ZCCHC4: variants seen among roughly 807,000 people sequenced by gnomAD.
ZCCHC4 encodes the protein zinc finger CCHC-type containing 4, also known as rRNA N(6)-adenosine-methyltransferase ZCCHC4.
Under a neutral mutation model 67.7 loss-of-function variants are expected in ZCCHC4, and 54 were observed. That is an observed-to-expected ratio of 0.80 (90% CI 0.64 to 1.00). The LOEUF (loss-of-function observed/expected upper bound fraction) is 1.00, where lower values mean the gene tolerates loss of function less well. Among genes scored for constraint, ZCCHC4 ranks in the 50% least tolerant of loss-of-function variants. The pLI is 0.00. For missense variants in ZCCHC4, 609 were observed against 617.0 expected, an observed-to-expected ratio of 0.99 and a Z score of 0.14; for synonymous variants, 198 against 213.5, an observed-to-expected ratio of 0.93 and a Z score of 0.63.
chr4:25,351,663 C>G lies in ZCCHC4; in HGVS notation c.985C>G (p.Pro329Ala). The G allele has an allele frequency of 6.2e-7, 1 of 1,611,904 alleles. No homozygotes were observed. Among genetic ancestry groups the G allele is most frequent in the South Asian group, 1.1e-5 (1 of 90,846 alleles). Reference sequence around the variant, plus strand: ...TGAATCCCGAATTTGTCAGTTTTTTCCAAGCTTCCAGATGCTGGATTACCA... The same window carrying G: ...TGAATCCCGAATTTGTCAGTTTTTTGCAAGCTTCCAGATGCTGGATTACCA... Reference protein sequence around the residue: ...FFESRICQFFPSFQMLDYQVD... With the variant: ...FFESRICQFFASFQMLDYQVD... The change falls in exon 8 of 13, where the codon CCA (proline) becomes GCA (alanine). Residue 329 changes from proline to alanine, a missense_variant. Physicochemically the swap from Pro to Ala is conservative, Grantham distance 27. Transcript: ENST00000302874.
intron 8 of ZCCHC4, among the ~76,000 whole-genome samples, chr4:25,353,948 A>G (rs1720411204): frequency 6.6e-6 from 1 of 152,168 alleles, no homozygotes; most frequent in Non-Finnish European, 1.5e-5. Context: ...TAAATCTGAG[A>G]GATTAAAATT....
rs548798475 is a variant in ZCCHC4 at position 25,354,676 on chromosome 4, T to A, written c.1011+2987T>A. Among the ~76,000 whole-genome samples, 13 of 152,226 alleles carry A rather than the reference T, an allele frequency of 8.5e-5. No homozygotes were observed. In the East Asian group the frequency reaches 9.6e-4, roughly 11 times the overall value. On this transcript the variant is annotated intron_variant, in intron 8 of 12. Coordinates refer to ENST00000302874, the MANE Select transcript of ZCCHC4 (RefSeq NM_024936.3). ...TTTAACTTCATTAAAATTTTTTTTTTAAATAGTGATGGGATCTCTCTGTGT... is the reference window on the plus strand; with the variant it reads ...TTTAACTTCATTAAAATTTTTTTTTAAAATAGTGATGGGATCTCTCTGTGT...
At chr4:25,367,921 A>G (rs1721012073) in intron 12 of ZCCHC4, among the ~76,000 whole-genome samples, 1 of 152,294 alleles carries the variant, frequency 6.6e-6, no homozygotes, top group South Asian at 2.1e-4. Flanking sequence ...CAAGTTCCTC[A>G]TGGGGTGTTC....
chr4:25,354,487 A>T (rs767523893), intron 8 of ZCCHC4, among the ~76,000 whole-genome samples: 1 of 152,214 alleles, frequency 6.6e-6, no homozygotes, highest in African/African-American at 2.4e-5. Flanking sequence ...GAAGAACAGT[A>T]CTGTCCATTA....
chr4:25,326,109 G>C (rs1718871721), intron 3 of ZCCHC4, among the ~76,000 whole-genome samples: 1 of 152,306 alleles, frequency 6.6e-6, no homozygotes, highest in African/African-American at 2.4e-5. Context: ...ACTAAAGCAG[G>C]TTAAAGTTAA....
At chr4:25,313,029 C>A in intron 1 of ZCCHC4, 93 bp downstream of exon 1, 1 of 1,522,960 alleles carries the variant, frequency 6.6e-7, no homozygotes. Context: ...TTTTTACCCG[C>A]CTCTTTCCCT....
At chr4:25,344,423 G>A (rs556336255) in intron 5 of ZCCHC4, among the ~76,000 whole-genome samples, 5 of 142,324 alleles carry the variant, frequency 3.5e-5, no homozygotes, top group African/African-American at 1.3e-4. Flanking sequence ...GAGAACACAT[G>A]GACACAGGAA....
chr4:25,351,755 A>T lies in ZCCHC4; in HGVS notation c.1011+66A>T, dbSNP rs1247542994. 4 of 1,314,686 alleles carry T rather than the reference A, an allele frequency of 3.0e-6. No homozygotes were observed. In the African/African-American group the frequency reaches 4.4e-5, roughly 15 times the overall value. 81.4% of individuals were successfully genotyped at this position (1,314,686 alleles called of 1,614,324 possible). A position where few individuals can be genotyped will look rare whatever the true frequency, so the allele number is the denominator to read the frequency against. On this transcript the variant is annotated intron_variant, in intron 8 of 12. Transcript: ENST00000302874. ...GAGATTCTACTTGAATAGATATAAG[A>T]CTATTCATTGATTTTAGTAAAATAC... is the stretch of plus-strand genomic sequence containing the variant.
chr4:25,344,785 CA>C (rs201248158), intron 5 of ZCCHC4, among the ~76,000 whole-genome samples: 85 of 135,222 alleles, frequency 6.3e-4, no homozygotes, highest in African/African-American at 1.1e-3. Flanking sequence ...CTGCGTTAGA[CA>C]AAAAAAAAAA....
At chr4:25,328,465 C>G (rs1439286969) in intron 3 of ZCCHC4, among the ~76,000 whole-genome samples, 2 of 152,320 alleles carry the variant, frequency 1.3e-5, no homozygotes, top group African/African-American at 4.8e-5. Flanking sequence ...GTCTCGAACT[C>G]CTGACCTCAA....
rs929851635 is a variant in ZCCHC4 at position 25,369,460 on chromosome 4, G to A, written c.*296G>A. ...ATGTTTTCATTTTTTTTGAGATGGA[G>A]TCTTGCTCTGTCTCCCAGGCTAGAG... On this transcript the variant is annotated 3_prime_UTR_variant, in exon 13 of 13. Coordinates refer to ENST00000302874, the MANE Select transcript of ZCCHC4 (RefSeq NM_024936.3). 1 of 297,772 alleles carries A rather than the reference G, an allele frequency of 3.4e-6. No individual in the cohort carries two copies. Among genetic ancestry groups the A allele is most frequent in the Non-Finnish European group, 6.2e-6 (1 of 160,664 alleles). The allele number at this position is 297,772 out of a possible 1,614,324, so 18.4% of individuals were successfully genotyped here. A position where few individuals can be genotyped will look rare whatever the true frequency, so the allele number is the denominator to read the frequency against.
intron 4 of ZCCHC4, 39 bp downstream of exon 4, chr4:25,333,497 A>T (rs377004168): frequency 1.9e-6 from 3 of 1,596,600 alleles, no homozygotes; most frequent in Non-Finnish European, 2.6e-6. Context: ...TCTTCTCACC[A>T]CTATTGAAAC....
chr4:25,339,863 T>C (rs1719640208), intron 5 of ZCCHC4, among the ~76,000 whole-genome samples: 3 of 151,906 alleles, frequency 2.0e-5, no homozygotes, highest in African/African-American at 4.8e-5. Context: ...AGGTCTTTAA[T>C]CTATTTTGAG....
intron 3 of ZCCHC4, among the ~76,000 whole-genome samples, chr4:25,319,926 T>A (rs1408325518): frequency 6.6e-6 from 1 of 152,134 alleles, no homozygotes; most frequent in Admixed American, 6.6e-5. Flanking sequence ...TAAAGCAAAT[T>A]TTTCATGTTT....
At position 25,345,281 on chromosome 4, in the gene ZCCHC4, A is replaced by G. The variant is rs533829791; in HGVS notation, c.687-267A>G. Among the ~76,000 whole-genome samples, 5 of 152,328 alleles carry G rather than the reference A, an allele frequency of 3.3e-5. No individual in the cohort carries two copies. The East Asian group carries it at 9.6e-4, about 29-fold the overall frequency. ...CTGTCAGTAACCTGATTGTTTATGT[A>G]TAACCTCCTGGTACATAGGAACATG... On this transcript the variant is annotated intron_variant, in intron 5 of 12. Coordinates refer to ENST00000302874, the MANE Select transcript of ZCCHC4 (RefSeq NM_024936.3).
intron 8 of ZCCHC4, among the ~76,000 whole-genome samples, chr4:25,352,742 A>G (rs1372216816): frequency 2.0e-5 from 3 of 152,122 alleles, no homozygotes; most frequent in Admixed American, 6.6e-5. Flanking sequence ...AGAGTTTTCT[A>G]TTTGAGTTTT....
chr4:25,337,272 A>G (rs1312307771), intron 5 of ZCCHC4, among the ~76,000 whole-genome samples: 1 of 152,210 alleles, frequency 6.6e-6, no homozygotes, highest in Non-Finnish European at 1.5e-5. Context: ...AGCAGGCTTT[A>G]GTCTAGTTGA....
At chr4:25,325,255 AAAAAAAAAG>A (rs1474411008) in intron 3 of ZCCHC4, among the ~76,000 whole-genome samples, 1 of 150,576 alleles carries the variant, frequency 6.6e-6, no homozygotes, top group African/African-American at 2.4e-5. Context: ...AAAAAAAAAA[AAAAAAAAAG>A]AAATATTTTC....
intron 3 of ZCCHC4, among the ~76,000 whole-genome samples, chr4:25,323,844 T>A (rs28550195): frequency 0.52 from 79,248 of 151,766 alleles, 21,939 homozygotes; most frequent in Non-Finnish European, 0.61. Flanking sequence ...CACAGTCAAG[T>A]TAATGAACAT....
Sources: gnomAD v4.1 joint callset for allele counts (sites outside exome capture counted in the v4.1 genomes callset) on GRCh38, gnomAD v4.1.1 for gene constraint, MANE v1.5 for transcripts, NCBI Gene and HGNC (gene_info 2026-07-23, HGNC 2026-07-21) for gene names.